KRT3: variants seen among roughly 807,000 people sequenced by gnomAD.
The protein encoded by KRT3 is keratin 3.
KRT3 carries 34 observed loss-of-function variants against 45.8 expected under a neutral mutation model. The ratio of observed to expected loss-of-function variants is 0.74; its 90% confidence interval spans 0.57 to 0.99. KRT3 has a LOEUF of 0.99. Among genes scored for constraint, KRT3 ranks in the 50% least tolerant of loss-of-function variants. The pLI, the probability that KRT3 is intolerant of heterozygous loss-of-function variation, is 0.00. For synonymous variants in KRT3, 367 were observed against 329.0 expected, an observed-to-expected ratio of 1.12 and a Z score of -1.25; for missense variants, 828 against 820.6, an observed-to-expected ratio of 1.01 and a Z score of -0.11.
chr12:52,795,989 G>A lies in KRT3; in HGVS notation c.54C>T (p.Gly18=). The A allele has an allele frequency of 1.2e-6, 2 of 1,613,900 alleles. No individual in the cohort carries two copies. The highest frequency in any genetic ancestry group is 1.7e-6 in the Non-Finnish European group (2 of 1,179,946). Residue 18 remains glycine, a synonymous_variant, in exon 1 of 9, where the codon GGC becomes GGT. Transcript: ENST00000417996. ...TSGGGSQGFS[G]RSAVVSGSSR... is the part of the protein sequence containing the mutation. ...TGCTGCCGGAGACCACAGCAGAGCG[G>A]CCGGAGAAACCCTGGCTCCCGCCAC...
rs183389982 is a variant in KRT3, at chr12:52,794,052, G to A, written c.866+59C>T. ...AGCAGTCAGGGGGCATGTAGAAGGG[G>A]CCAAGACTCTGAGACAGGGTGGGCC... On this transcript the variant is annotated intron_variant, in intron 2 of 8. Transcript: ENST00000417996. 26 of 1,372,694 alleles carry A rather than the reference G, an allele frequency of 1.9e-5. No homozygotes were observed. In the African/African-American group the frequency reaches 3.4e-4, roughly 18 times the overall value. 85.0% of individuals were successfully genotyped at this position (1,372,694 alleles called of 1,614,324 possible).
rs779820108 is a variant in KRT3, at chr12:52,795,809, TCCAGCCCGGGAGCCG to T, written c.219_233del (p.Ser75_Gly79del). The T allele has an allele frequency of 4.5e-5, 72 of 1,613,656 alleles. No homozygotes were observed. The highest frequency in any genetic ancestry group is 5.6e-5 in the Non-Finnish European group (66 of 1,179,856). ...AGCTGCTCCGCCCTCCCCCAAAGCC[TCCAGCCCGGGAGCCG>T]CCAGCTGCCACGCTGATGGAGATGC... is the stretch of plus-strand genomic sequence containing the variant. On this transcript the variant is annotated inframe_deletion, in exon 1 of 9. Coordinates refer to ENST00000417996, the MANE Select transcript of KRT3 (RefSeq NM_057088.3).
Position 52,792,316 on chromosome 12 carries a change from T to A in KRT3, c.1111A>T (p.Ile371Phe). 6.2e-7 allele frequency: 1 copy of A among 1,614,122 alleles called. No individual in the cohort carries two copies. Among genetic ancestry groups the A allele is most frequent in the Non-Finnish European group, 8.5e-7 (1 of 1,179,960 alleles). Residue 371 changes from isoleucine to phenylalanine, a missense_variant, in exon 5 of 9, where the codon ATT (isoleucine) becomes TTT (phenylalanine). Coordinates refer to ENST00000417996, the MANE Select transcript of KRT3 (RefSeq NM_057088.3). The stretch of plus-strand genomic sequence containing the variant: ...TCATACTGTGCACGAACTTCAGCAA[T>A]GATGCTGTCCAGGTCCAGGGAGCGA... ...NNRSLDLDSI[I>F]AEVRAQYEDI...
intron 4 of KRT3, 85 bp from the exon 5 acceptor site, chr12:52,792,488 C>T (rs1008402246): frequency 9.8e-5 from 131 of 1,340,028 alleles, no homozygotes; most frequent in Non-Finnish European, 1.3e-4. Context: ...TCAACAGTCT[C>T]ATTCACTGAT....
rs1475304949 is a variant in KRT3, at chr12:52,792,775, T to C, written c.959A>G (p.Glu320Gly). Residue 320 changes from glutamate to glycine, a missense_variant, in exon 4 of 9, where the codon GAG becomes GGG. Transcript: ENST00000417996. ...DVDSAYMNKV[E>G]LQAKVDALID... ...CAAGGCATCCACTTTGGCCTGAAGCTCCACCTTGTTCATATAGGCACTGTC... is the reference window on the plus strand; with the variant it reads ...CAAGGCATCCACTTTGGCCTGAAGCCCCACCTTGTTCATATAGGCACTGTC... 2 of 1,613,522 alleles carry C rather than the reference T, an allele frequency of 1.2e-6. No homozygotes were observed. Among genetic ancestry groups the C allele is most frequent in the South Asian group, 2.2e-5 (2 of 91,068 alleles).
chr12:52,792,540 C>CA, intron 4 of KRT3, 137 bp from the exon 5 acceptor site: 1 of 1,010,546 alleles, frequency 9.9e-7, no homozygotes, highest in Non-Finnish European at 1.5e-6. Flanking sequence ...TGTCCGCAGC[C>CA]ACTCAGAGAA....
Position 52,791,404 on chromosome 12 carries a change from A to T in KRT3, c.1337T>A (p.Ile446Asn), listed in dbSNP as rs1166732727. 1 of 1,614,188 alleles carries T rather than the reference A, an allele frequency of 6.2e-7. No individual in the cohort carries two copies. ...CTCTCCATGCTGCTCGGCCTCGGCA[A>T]TGGCCGTCTGCAGGTTGGCATTCTG... ...KKQNANLQTA[I>N]AEAEQHGEMA... is the part of the protein sequence containing the mutation. Residue 446 changes from isoleucine to asparagine, a missense_variant, in exon 7 of 9, where the codon ATT becomes AAT. Physicochemically the swap from Ile to Asn is moderately radical, Grantham distance 149. Coordinates refer to ENST00000417996, the MANE Select transcript of KRT3 (RefSeq NM_057088.3).
At position 52,792,342 on chromosome 12, in the gene KRT3, T is replaced by C; in HGVS notation, c.1085A>G (p.Asn362Ser). Reference sequence around the variant, plus strand: ...GATGCTGTCCAGGTCCAGGGAGCGATTATTGTCCATGGACAGCACCACAGA... The same window carrying C: ...GATGCTGTCCAGGTCCAGGGAGCGACTATTGTCCATGGACAGCACCACAGA... ...DTSVVLSMDN[N>S]RSLDLDSIIA... Residue 362 changes from asparagine to serine, a missense_variant, in exon 5 of 9, where the codon AAT becomes AGT. By Grantham distance (46) the Asn-to-Ser change is conservative. Transcript: ENST00000417996. 1 of 1,613,612 alleles carries C rather than the reference T, an allele frequency of 6.2e-7. No individual in the cohort carries two copies. The highest frequency in any genetic ancestry group is 8.5e-7 in the Non-Finnish European group (1 of 1,179,542).
At chr12:52,793,259 T>C (rs1055632248) in intron 2 of KRT3, 36 bp from the exon 3 acceptor site, 6 of 1,499,512 alleles carry the variant, frequency 4.0e-6, no homozygotes, top group Non-Finnish European at 2.7e-6. Flanking sequence ...GAGTTTGGTT[T>C]TGAGGTCATC....
At chr12:52,795,289 T>A in intron 1 of KRT3, 109 bp downstream of exon 1, 1 of 1,338,582 alleles carries the variant, frequency 7.5e-7, no homozygotes, top group South Asian at 1.3e-5. Flanking sequence ...TCCACCTAAC[T>A]CCTCACCCTC....
chr12:52,789,973 G>C lies in KRT3; in HGVS notation c.*69C>G. On this transcript the variant is annotated 3_prime_UTR_variant, in exon 9 of 9. Coordinates refer to ENST00000417996, the MANE Select transcript of KRT3 (RefSeq NM_057088.3). ...GGGAGCATGGGGTGGCGCTGGGGGTGTTGCCAATATGGGGGCGTGGGGAGC... is the reference window on the plus strand; with the variant it reads ...GGGAGCATGGGGTGGCGCTGGGGGTCTTGCCAATATGGGGGCGTGGGGAGC... 4 of 1,460,274 alleles carry C rather than the reference G, an allele frequency of 2.7e-6. No individual in the cohort carries two copies. In the East Asian group the frequency reaches 9.9e-5, roughly 36 times the overall value. 90.5% of individuals were successfully genotyped at this position (1,460,274 alleles called of 1,614,324 possible). A position where few individuals can be genotyped will look rare whatever the true frequency, so the allele number is the denominator to read the frequency against.
At chr12:52,790,630 C>T (rs570206474) in intron 8 of KRT3, among the ~76,000 whole-genome samples, 12 of 152,160 alleles carry the variant, frequency 7.9e-5, no homozygotes, top group Non-Finnish European at 1.8e-4. Context: ...TCAAGAGGCC[C>T]CCTGTTGGAT....
At chr12:52,795,261 C>T (rs1471819764) in intron 1 of KRT3, 137 bp downstream of exon 1, 6 of 1,073,306 alleles carry the variant, frequency 5.6e-6, no homozygotes, top group Non-Finnish European at 8.2e-6. Flanking sequence ...CCCTGGATAT[C>T]TTCCCAGACC....
At chr12:52,790,628 C>A (rs771102493) in intron 8 of KRT3, among the ~76,000 whole-genome samples, 4 of 152,186 alleles carry the variant, frequency 2.6e-5, no homozygotes, top group Admixed American at 6.5e-5. Context: ...TATCAAGAGG[C>A]CCCCTGTTGG....
At chr12:52,793,267 A>C (rs1939568401) in intron 2 of KRT3, 44 bp from the exon 3 acceptor site, 1 of 1,340,320 alleles carries the variant, frequency 7.5e-7, no homozygotes, top group Non-Finnish European at 1.1e-6. Context: ...TTTTGAGGTC[A>C]TCGTAAACAC....
At position 52,795,397 on chromosome 12, in the gene KRT3, C is replaced by T; in HGVS notation, c.645+1G>A. On this transcript the variant is annotated splice_donor_variant, in intron 1 of 8. Coordinates refer to ENST00000417996, the MANE Select transcript of KRT3 (RefSeq NM_057088.3). LOFTEE classifies it high-confidence loss of function. ...GGGATGACCAGTCAAAGCTTCATTA[C>T]CTTGTCAATGAAGGAGGCAAACTTG... 1 of 1,614,122 alleles carries T rather than the reference C, an allele frequency of 6.2e-7. No individual in the cohort carries two copies. The highest frequency in any genetic ancestry group is 8.5e-7 in the Non-Finnish European group (1 of 1,180,008).
chr12:52,792,165 C>A, intron 5 of KRT3, 74 bp downstream of exon 5: 2 of 1,316,618 alleles, frequency 1.5e-6, no homozygotes, highest in Non-Finnish European at 2.2e-6. Context: ...TGGGAACTCA[C>A]TACCCAGCTG....
intron 3 of KRT3, 50 bp downstream of exon 3, chr12:52,793,113 G>T: frequency 6.7e-7 from 1 of 1,493,104 alleles, no homozygotes; most frequent in Non-Finnish European, 9.3e-7. Context: ...CCCCAACCCA[G>T]CCAGAAACCT....
At chr12:52,793,983 A>T in intron 2 of KRT3, 128 bp downstream of exon 2, 1 of 690,242 alleles carries the variant, frequency 1.4e-6, no homozygotes, top group South Asian at 1.8e-5. Context: ...GCTGTCCTTC[A>T]TGAAGGTAAG....
Sources: gnomAD v4.1 joint callset for allele counts (sites outside exome capture counted in the v4.1 genomes callset) on GRCh38, gnomAD v4.1.1 for gene constraint, MANE v1.5 for transcripts, NCBI Gene and HGNC (gene_info 2026-07-23, HGNC 2026-07-21) for gene names.